NALF1: variants seen among roughly 807,000 people sequenced by gnomAD.
NALF1 encodes the protein family with sequence similarity 155 member A.
Under a neutral mutation model 48.4 loss-of-function variants are expected in NALF1, and 3 were observed. The observed-to-expected ratio is 0.06, with a 90% CI of 0.03 to 0.16. The LOEUF (loss-of-function observed/expected upper bound fraction) is 0.16. NALF1 is among the 10% of genes least tolerant of loss of function. The pLI is 1.00. For synonymous variants in NALF1, 262 were observed against 245.7 expected (o/e 1.07, Z -0.62); for missense variants, 526 against 571.5 (o/e 0.92, Z 0.81).
intron 1 of NALF1, among the ~76,000 whole-genome samples, chr13:107,714,626 T>TA (rs10633995): frequency 1.8e-4 from 23 of 126,472 alleles, no homozygotes; most frequent in South Asian, 1.3e-3. Flanking sequence ...GAGGCTTTAT[T>TA]AAAAAAAAAA....
intron 1 of NALF1, among the ~76,000 whole-genome samples, chr13:107,862,181 G>A (rs1400828735): frequency 3.3e-5 from 5 of 152,024 alleles, no homozygotes; most frequent in East Asian, 3.8e-4. Flanking sequence ...ACTAAATAAA[G>A]CTATCAATGA....
At chr13:107,704,832 T>C (rs1489988123) in intron 1 of NALF1, among the ~76,000 whole-genome samples, 1 of 152,182 alleles carries the variant, frequency 6.6e-6, no homozygotes, top group Non-Finnish European at 1.5e-5. Context: ...AGCTCACTAT[T>C]TCACAGGTTA....
chr13:107,673,115 T>G (rs1881029940), intron 1 of NALF1, among the ~76,000 whole-genome samples: 1 of 152,156 alleles, frequency 6.6e-6, no homozygotes, highest in Non-Finnish European at 1.5e-5. Context: ...TCTGTATGGG[T>G]GCGGCTGCAT....
chr13:107,647,643 C>T (rs1344743527), intron 1 of NALF1, among the ~76,000 whole-genome samples: 3 of 151,994 alleles, frequency 2.0e-5, no homozygotes, highest in Admixed American at 1.3e-4. Flanking sequence ...CCTCCGGTGA[C>T]AACTTGTATG....
chr13:107,413,570 ATC>A (rs1408104954), intron 1 of NALF1, among the ~76,000 whole-genome samples: 1 of 152,042 alleles, frequency 6.6e-6, no homozygotes, highest in Non-Finnish European at 1.5e-5. Context: ...ATAGGTGACT[ATC>A]TGTTTGTTGG....
At chr13:107,660,480 C>G (rs5806677) in intron 1 of NALF1, among the ~76,000 whole-genome samples, 2,430 of 65,870 alleles carry the variant, frequency 0.037, 45 homozygotes, top group Non-Finnish European at 0.059. Flanking sequence ...CACACACACA[C>G]ACACAACAAA....
intron 1 of NALF1, among the ~76,000 whole-genome samples, chr13:107,702,541 G>A (rs1022564715): frequency 1.3e-5 from 2 of 151,664 alleles, no homozygotes; most frequent in Non-Finnish European, 2.9e-5. Flanking sequence ...TTTGTTTTTT[G>A]GTCTCCAACT....
chr13:107,254,364 A>G (rs1880769508), intron 1 of NALF1, among the ~76,000 whole-genome samples: 1 of 152,190 alleles, frequency 6.6e-6, no homozygotes. Flanking sequence ...GTGAGAAATG[A>G]GACTTAAATT....
intron 1 of NALF1, among the ~76,000 whole-genome samples, chr13:107,645,796 G>T (rs775014284): frequency 4.6e-5 from 7 of 151,976 alleles, no homozygotes; most frequent in Non-Finnish European, 1.0e-4. Flanking sequence ...GGCAAAACCG[G>T]CACCATGTAT....
intron 2 of NALF1, among the ~76,000 whole-genome samples, chr13:107,203,607 T>C (rs1594068325): frequency 6.6e-6 from 1 of 151,874 alleles, no homozygotes; most frequent in Admixed American, 6.6e-5. Flanking sequence ...CTGTGCTCCA[T>C]CCCCGTGGTG....
At chr13:107,290,174 CAA>C (rs35974424) in intron 1 of NALF1, among the ~76,000 whole-genome samples, 2 of 65,874 alleles carry the variant, frequency 3.0e-5, no homozygotes, top group African/African-American at 5.5e-5. Flanking sequence ...CACAAACCAG[CAA>C]AAAAAAAAAA....
chr13:107,680,552 G>A (rs1881266738), intron 1 of NALF1, among the ~76,000 whole-genome samples: 1 of 151,824 alleles, frequency 6.6e-6, no homozygotes, highest in South Asian at 2.1e-4. Flanking sequence ...GGTGTGTGGT[G>A]TGTGAGAATG....
chr13:107,627,882 T>C (rs148006197), intron 1 of NALF1, among the ~76,000 whole-genome samples: 203 of 152,208 alleles, frequency 1.3e-3, no homozygotes, highest in African/African-American at 4.4e-3. Flanking sequence ...CGCTGGACAA[T>C]AGGAATGCCT....
chr13:107,781,353 A>G (rs1169288466), intron 1 of NALF1, among the ~76,000 whole-genome samples: 2 of 152,198 alleles, frequency 1.3e-5, no homozygotes, highest in Admixed American at 1.3e-4. Flanking sequence ...ACCTTAAGAG[A>G]TTTAAAAATC....
intron 1 of NALF1, among the ~76,000 whole-genome samples, chr13:107,281,584 A>C (rs1881388756): frequency 2.0e-5 from 3 of 152,184 alleles, no homozygotes; most frequent in Admixed American, 2.0e-4. Context: ...GGGATGAGTT[A>C]TCTCTCCAGG....
intron 1 of NALF1, among the ~76,000 whole-genome samples, chr13:107,541,499 A>AAAGAGGAG (rs1876998372): frequency 6.6e-6 from 1 of 152,126 alleles, no homozygotes; most frequent in African/African-American, 2.4e-5. Flanking sequence ...AGAGAGGAAG[A>AAAGAGGAG]AAGGGAGGGA....
chr13:107,752,458 T>C (rs1490616830), intron 1 of NALF1, among the ~76,000 whole-genome samples: 1 of 152,168 alleles, frequency 6.6e-6, no homozygotes, highest in Non-Finnish European at 1.5e-5. Flanking sequence ...ACCCATGATA[T>C]TCATTGACAG....
At chr13:107,272,078 G>T (rs1330975080) in intron 1 of NALF1, among the ~76,000 whole-genome samples, 3 of 150,960 alleles carry the variant, frequency 2.0e-5, no homozygotes, top group African/African-American at 7.3e-5. Context: ...TACATGCAAA[G>T]ACATGAATGT....
intron 1 of NALF1, among the ~76,000 whole-genome samples, chr13:107,280,259 T>A (rs930064506): frequency 3.3e-5 from 5 of 152,228 alleles, no homozygotes; most frequent in African/African-American, 1.2e-4. Context: ...AAATGCTTTC[T>A]TTCCACGAAA....
Sources: gnomAD v4.1 joint callset for allele counts (sites outside exome capture counted in the v4.1 genomes callset) on GRCh38, gnomAD v4.1.1 for gene constraint, MANE v1.5 for transcripts, NCBI Gene and HGNC (gene_info 2026-07-23, HGNC 2026-07-21) for gene names.